DLGAP2: variants seen among roughly 807,000 people sequenced by gnomAD.
DLGAP2 encodes the protein DLG associated protein 2, also known as disks large-associated protein 2.
DLGAP2 carries 26 observed loss-of-function variants against 100.3 expected under a neutral mutation model. That is an observed-to-expected ratio of 0.26 (90% CI 0.19 to 0.36). The LOEUF (loss-of-function observed/expected upper bound fraction) is 0.36, where lower values mean the gene tolerates loss of function less well. Ranked by LOEUF, DLGAP2 falls within the 10% of genes least tolerant of loss-of-function variation. DLGAP2 has a pLI of 1.00. For missense variants in DLGAP2, 1,858 were observed against 1,453.2 expected (o/e 1.28, Z -4.53); for synonymous variants, 886 against 630.1 (o/e 1.41, Z -6.08).
rs191579174 is a variant in DLGAP2, at chr8:1,646,186, C to G, written c.1810+13140C>G. Reference sequence around the variant, plus strand: ...CCAGTGTGGGTGGGCCACGTCCTATCTAGTGGAAGAAACAAAACAGCTGAC... The same window carrying G: ...CCAGTGTGGGTGGGCCACGTCCTATGTAGTGGAAGAAACAAAACAGCTGAC... On this transcript the variant is annotated intron_variant, in intron 8 of 14. Transcript: ENST00000637795. Among the ~76,000 whole-genome samples, 4 of 152,266 alleles carry G rather than the reference C, an allele frequency of 2.6e-5. No homozygotes were observed. In the East Asian group the frequency reaches 7.7e-4, roughly 29 times the overall value.
chr8:1,344,445 A>G (rs1474613793), intron 3 of DLGAP2, among the ~76,000 whole-genome samples: 1 of 152,134 alleles, frequency 6.6e-6, no homozygotes, highest in African/African-American at 2.4e-5. Flanking sequence ...CATGTGGGTA[A>G]AAGTCGGGAC....
At chr8:767,475 C>T (rs1259465395) in intron 1 of DLGAP2, among the ~76,000 whole-genome samples, 1 of 151,260 alleles carries the variant, frequency 6.6e-6, no homozygotes, top group Non-Finnish European at 1.5e-5. Flanking sequence ...GATTCTCGTG[C>T]CTCAGTGGGT....
intron 3 of DLGAP2, among the ~76,000 whole-genome samples, chr8:1,322,576 T>G (rs1003704581): frequency 8.6e-5 from 13 of 151,912 alleles, no homozygotes; most frequent in Non-Finnish European, 2.9e-5. Context: ...TCACACGTAT[T>G]GTTCCATGGA....
At chr8:919,002 G>A (rs1036475860) in intron 2 of DLGAP2, among the ~76,000 whole-genome samples, 4 of 152,106 alleles carry the variant, frequency 2.6e-5, no homozygotes, top group Non-Finnish European at 4.4e-5. Context: ...GTGCAGTGGT[G>A]CGATCAGAAC....
At chr8:1,019,758 C>A (rs1801576572) in intron 2 of DLGAP2, 1 of 152,164 alleles carries the variant, frequency 6.6e-6, no homozygotes, top group Non-Finnish European at 1.5e-5. Flanking sequence ...CCCACTTCTG[C>A]CCTCCCGCCG....
chr8:1,332,222 G>A (rs1480935584), intron 3 of DLGAP2, among the ~76,000 whole-genome samples: 4 of 152,174 alleles, frequency 2.6e-5, no homozygotes, highest in Non-Finnish European at 4.4e-5. Context: ...GATGGTTTGT[G>A]TGAGTGTGCC....
intron 3 of DLGAP2, among the ~76,000 whole-genome samples, chr8:1,364,211 G>A (rs1192935323): frequency 6.6e-6 from 1 of 152,190 alleles, no homozygotes; most frequent in African/African-American, 2.4e-5. Flanking sequence ...GGCGGACGGT[G>A]CCCCCGGGCT....
chr8:1,654,015 A>G (rs75396425), intron 8 of DLGAP2, among the ~76,000 whole-genome samples: 2,872 of 152,312 alleles, frequency 0.019, 75 homozygotes, highest in African/African-American at 0.062. Context: ...TGACGGATCA[A>G]TGTCTGCGCA....
chr8:1,386,058 G>C (rs973955131), intron 3 of DLGAP2, among the ~76,000 whole-genome samples: 4 of 152,178 alleles, frequency 2.6e-5, no homozygotes, highest in Admixed American at 2.6e-4. Context: ...AATCTCCACG[G>C]GATTTTGAAA....
chr8:1,237,531 C>T (rs1424871386), intron 2 of DLGAP2, among the ~76,000 whole-genome samples: 4 of 120,384 alleles, frequency 3.3e-5, no homozygotes, highest in East Asian at 2.8e-4. Context: ...CACAGAGCAT[C>T]GTGTCTAGTT....
intron 7 of DLGAP2, among the ~76,000 whole-genome samples, chr8:1,628,371 A>C (rs190198982): frequency 9.1e-6 from 1 of 109,504 alleles, no homozygotes; most frequent in African/African-American, 4.0e-5. Flanking sequence ...AGCTTGAGCC[A>C]ACCTCACATT....
intron 2 of DLGAP2, among the ~76,000 whole-genome samples, chr8:1,059,383 G>C (rs1054179316): frequency 6.6e-6 from 1 of 152,096 alleles, no homozygotes; most frequent in African/African-American, 2.4e-5. Context: ...CACAGCTCTG[G>C]AGCCGCACTC....
chr8:983,350 T>C (rs1453270069), intron 2 of DLGAP2, among the ~76,000 whole-genome samples: 3 of 149,396 alleles, frequency 2.0e-5, no homozygotes, highest in Non-Finnish European at 4.5e-5. Context: ...CGAGATGTTC[T>C]TGTGTCCCTT....
rs188710841 is a variant in DLGAP2, at chr8:862,214, G to C, written c.19-45698G>C. Reference sequence around the variant, plus strand: ...TAATCCACGGGCTGAGTCGCACCCAGATTCCCACGTGTCCTGTGGTGGACG... The same window carrying C: ...TAATCCACGGGCTGAGTCGCACCCACATTCCCACGTGTCCTGTGGTGGACG... On this transcript the variant is annotated intron_variant, in intron 1 of 14. Coordinates refer to ENST00000637795, the MANE Select transcript of DLGAP2 (RefSeq NM_001346810.2). Among the ~76,000 whole-genome samples the C allele has an allele frequency of 2.9e-3, 448 of 152,086 alleles. 3 individuals are homozygous for C. The highest frequency in any genetic ancestry group is 0.01 in the African/African-American group (429 of 41,486).
At chr8:1,295,393 C>A (rs368313368) in intron 3 of DLGAP2, among the ~76,000 whole-genome samples, 3 of 152,194 alleles carry the variant, frequency 2.0e-5, no homozygotes, top group Non-Finnish European at 2.9e-5. Context: ...TCCTTGGTGG[C>A]TCTGGAGTTC....
At chr8:1,426,449 C>T (rs1797238702) in intron 3 of DLGAP2, among the ~76,000 whole-genome samples, 1 of 152,030 alleles carries the variant, frequency 6.6e-6, no homozygotes, top group Non-Finnish European at 1.5e-5. Context: ...GTAGAGACTC[C>T]AACAAGTTAG....
intron 3 of DLGAP2, among the ~76,000 whole-genome samples, chr8:1,492,391 G>A (rs550277489): frequency 4.3e-4 from 65 of 152,312 alleles, no homozygotes; most frequent in Non-Finnish European, 8.5e-4. Context: ...GCTCGAGCGT[G>A]CTTTCTGTAA....
intron 2 of DLGAP2, among the ~76,000 whole-genome samples, chr8:1,197,467 G>A (rs773988543): frequency 6.6e-6 from 1 of 152,334 alleles, no homozygotes; most frequent in African/African-American, 2.4e-5. Context: ...CCAGGGTCAA[G>A]CACTGTTTAT....
intron 2 of DLGAP2, among the ~76,000 whole-genome samples, chr8:1,211,660 G>C (rs1168035664): frequency 1.3e-5 from 2 of 152,188 alleles, no homozygotes; most frequent in Non-Finnish European, 2.9e-5. Context: ...TGGATCACCT[G>C]AGGTCGGGAG....
Sources: allele counts gnomAD v4.1 joint callset (sites outside exome capture counted in the v4.1 genomes callset), GRCh38; gene constraint gnomAD v4.1.1; transcripts MANE v1.5; gene names NCBI Gene and HGNC (gene_info 2026-07-23, HGNC 2026-07-21).